HIVEP3: variants seen among roughly 807,000 people sequenced by gnomAD.
HIVEP3 encodes HIVEP zinc finger 3.
In HIVEP3, 49 loss-of-function variants were observed where a neutral mutation model predicts 152.8. The ratio of observed to expected loss-of-function variants is 0.32; its 90% CI spans 0.26 to 0.41. The LOEUF (loss-of-function observed/expected upper bound fraction) is 0.41, where lower values mean the gene tolerates loss of function less well. Ranked by LOEUF, HIVEP3 falls within the 10% of genes least tolerant of loss-of-function variation. The pLI, the probability that HIVEP3 is intolerant of heterozygous loss-of-function variation, is 1.00. For missense variants in HIVEP3, 2,790 were observed against 3,103.3 expected, an observed-to-expected ratio of 0.90 and a Z score of 2.40; for synonymous variants, 1,269 against 1,289.0, an observed-to-expected ratio of 0.98 and a Z score of 0.33.
At chr1:41,714,128 C>CA (rs1347419602) in intron 1 of HIVEP3, among the ~76,000 whole-genome samples, 1 of 152,144 alleles carries the variant, frequency 6.6e-6, no homozygotes, top group African/African-American at 2.4e-5. Flanking sequence ...CTCACCAGCT[C>CA]AGGGAGGGAG....
intron 1 of HIVEP3, among the ~76,000 whole-genome samples, chr1:41,781,290 C>A (rs1163357413): frequency 6.6e-6 from 1 of 152,172 alleles, no homozygotes; most frequent in East Asian, 1.9e-4. Flanking sequence ...ACAATGCTGT[C>A]CATGTTAGAA....
chr1:41,724,623 A>T (rs1646726001), intron 1 of HIVEP3, among the ~76,000 whole-genome samples: 1 of 152,316 alleles, frequency 6.6e-6, no homozygotes, highest in East Asian at 1.9e-4. Flanking sequence ...GAGCTGATGC[A>T]CGGGTAATGG....
At chr1:41,890,618 G>T (rs1444589189) in intron 1 of HIVEP3, among the ~76,000 whole-genome samples, 1 of 152,242 alleles carries the variant, frequency 6.6e-6, no homozygotes, top group East Asian at 1.9e-4. Context: ...TGAGGAGCCT[G>T]AGGCTCAGAG....
chr1:41,761,816 G>A lies in HIVEP3; in HGVS notation c.-800-60821C>T, dbSNP rs150931088. On this transcript the variant is annotated intron_variant, in intron 1 of 8. Transcript: ENST00000372583. ...TGTGCACTTATGCACCCATGTGAGT[G>A]TATGAGTGGATATGATAATGGCAGG... Among the ~76,000 whole-genome samples, 294 of 152,352 alleles carry A rather than the reference G, an allele frequency of 1.9e-3. 2 individuals carry two copies. The highest frequency in any genetic ancestry group is 6.5e-3 in the African/African-American group (272 of 41,578).
intron 5 of HIVEP3, among the ~76,000 whole-genome samples, chr1:41,544,862 CACCACCACCACCACT>C (rs1643666448): frequency 8.3e-6 from 1 of 120,720 alleles, no homozygotes; most frequent in East Asian, 2.4e-4. Flanking sequence ...CCACCACCAC[CACCACCACCACCACT>C]ACCACCTCTA....
At chr1:41,630,399 C>T (rs955969618) in intron 2 of HIVEP3, among the ~76,000 whole-genome samples, 10 of 152,288 alleles carry the variant, frequency 6.6e-5, no homozygotes, top group Non-Finnish European at 8.8e-5. Context: ...CAAACCTGCA[C>T]ATGTACCCCA....
intron 1 of HIVEP3, among the ~76,000 whole-genome samples, chr1:41,785,982 G>T (rs1391706387): frequency 6.6e-6 from 1 of 152,132 alleles, no homozygotes; most frequent in African/African-American, 2.4e-5. Flanking sequence ...TGGGCAACAA[G>T]AGTGAAACTC....
rs373626380 is a variant in HIVEP3 at position 41,569,102 on chromosome 1, C to T, written c.5207+6442G>A. Among the ~76,000 whole-genome samples, 47 of 152,264 alleles carry T rather than the reference C, an allele frequency of 3.1e-4. No individual in the cohort carries two copies. The South Asian group carries it at 9.6e-3, about 31-fold the overall frequency. On this transcript the variant is annotated intron_variant, in intron 5 of 8. Coordinates refer to ENST00000372583, the MANE Select transcript of HIVEP3 (RefSeq NM_024503.5). Reference sequence around the variant, plus strand: ...ATGATTGAAAGTTTCCTGAGGCCTCCCCAGAAGCCGAGCAGATGCCAGGAG... The same window carrying T: ...ATGATTGAAAGTTTCCTGAGGCCTCTCCAGAAGCCGAGCAGATGCCAGGAG...
At chr1:41,655,370 G>A (rs1165547214) in intron 2 of HIVEP3, among the ~76,000 whole-genome samples, 1 of 151,914 alleles carries the variant, frequency 6.6e-6, no homozygotes, top group African/African-American at 2.4e-5. Context: ...ATTACTTGAG[G>A]TCAGAAGTTC....
chr1:41,868,912 T>C (rs1031730920), intron 1 of HIVEP3, among the ~76,000 whole-genome samples: 1 of 152,256 alleles, frequency 6.6e-6, no homozygotes, highest in Non-Finnish European at 1.5e-5. Context: ...ACTGTGCACA[T>C]TAATTGCTCA....
chr1:41,669,036 C>T lies in HIVEP3; in HGVS notation c.-721+31880G>A, dbSNP rs183106397. 3.3e-5 allele frequency among the ~76,000 whole-genome samples: 5 copies of T among 152,260 alleles called. No individual in the cohort carries two copies. The East Asian group carries it at 9.6e-4, about 29-fold the overall frequency. Reference sequence around the variant, plus strand: ...TCCATGATCCCTCAGGAACTCCAGACTCTTAGTCCAGTCAGCCATGTACCT... The same window carrying T: ...TCCATGATCCCTCAGGAACTCCAGATTCTTAGTCCAGTCAGCCATGTACCT... On this transcript the variant is annotated intron_variant, in intron 2 of 8. Coordinates refer to ENST00000372583, the MANE Select transcript of HIVEP3 (RefSeq NM_024503.5).
At chr1:41,589,996 G>A (rs763254354) in intron 3 of HIVEP3, among the ~76,000 whole-genome samples, 18 of 152,238 alleles carry the variant, frequency 1.2e-4, no homozygotes, top group Non-Finnish European at 2.2e-4. Context: ...CTTATTTAAT[G>A]ACCTAGCAAC....
intron 1 of HIVEP3, among the ~76,000 whole-genome samples, chr1:41,891,143 C>G (rs1166489996): frequency 6.6e-6 from 1 of 152,140 alleles, no homozygotes; most frequent in South Asian, 2.1e-4. Flanking sequence ...TTCCAGGAAA[C>G]TCGTCTGGTG....
intron 1 of HIVEP3, among the ~76,000 whole-genome samples, chr1:41,824,277 G>T (rs994475495): frequency 6.6e-6 from 1 of 152,100 alleles, no homozygotes; most frequent in Admixed American, 6.5e-5. Context: ...GATGCATATT[G>T]TCTTTCCCCC....
At chr1:41,824,782 TATAGAGAGAG>T (rs1642735239) in intron 1 of HIVEP3, among the ~76,000 whole-genome samples, 1 of 14,292 alleles carries the variant, frequency 7.0e-5, no homozygotes, top group Non-Finnish European at 1.2e-4. Context: ...TATATATATA[TATAGAGAGAG>T]AGAGAGAGAG....
chr1:41,888,037 C>CTT (rs759423194), intron 1 of HIVEP3, among the ~76,000 whole-genome samples: 19 of 121,292 alleles, frequency 1.6e-4, no homozygotes, highest in East Asian at 4.7e-4. Context: ...CCCAGCTGAA[C>CTT]TTTTTTTTTT....
At chr1:41,636,867 G>A (rs1645281379) in intron 2 of HIVEP3, among the ~76,000 whole-genome samples, 1 of 150,634 alleles carries the variant, frequency 6.6e-6, no homozygotes, top group Non-Finnish European at 1.5e-5. Flanking sequence ...GCTGAGGCAG[G>A]AGAATCGCTT....
chr1:41,884,831 C>G (rs1035500808), intron 1 of HIVEP3, among the ~76,000 whole-genome samples: 1 of 144,836 alleles, frequency 6.9e-6, no homozygotes, highest in Admixed American at 7.0e-5. Flanking sequence ...CAGAGGGCAG[C>G]AGCCAGAGAA....
intron 6 of HIVEP3, among the ~76,000 whole-genome samples, chr1:41,524,182 G>C (rs967790258): frequency 2.0e-5 from 3 of 152,198 alleles, no homozygotes; most frequent in Non-Finnish European, 4.4e-5. Context: ...GTCTGGGAGT[G>C]GGGGGCTGGC....
Sources: gnomAD v4.1 joint callset for allele counts (sites outside exome capture counted in the v4.1 genomes callset) on GRCh38, gnomAD v4.1.1 for gene constraint, MANE v1.5 for transcripts, NCBI Gene and HGNC (gene_info 2026-07-23, HGNC 2026-07-21) for gene names.